SNX13: variants seen among roughly 807,000 people sequenced by gnomAD.
SNX13 encodes sorting nexin 13.
In SNX13, 45 loss-of-function variants were observed where a neutral mutation model predicts 133.6. The observed-to-expected ratio is 0.34, with a 90% CI of 0.27 to 0.43. The LOEUF (loss-of-function observed/expected upper bound fraction) is 0.43. SNX13 is among the 20% of genes least tolerant of loss of function. The probability of loss-of-function intolerance (pLI) is 1.00; values close to 1 mark genes in which losing one functional copy is unlikely to be tolerated. For synonymous variants in SNX13, 414 were observed against 373.9 expected (o/e 1.11, Z -1.24); for missense variants, 1,032 against 1,145.1 (o/e 0.90, Z 1.43).
chr7:17,922,234 C>T (rs1177177739), intron 1 of SNX13, among the ~76,000 whole-genome samples: 1 of 152,168 alleles, frequency 6.6e-6, no homozygotes, highest in African/African-American at 2.4e-5. Flanking sequence ...TTGCGGCTAG[C>T]CAGGGAGAAT....
chr7:17,864,212 G>A lies in SNX13; in HGVS notation c.837+4195C>T, dbSNP rs192270858. 2.0e-5 allele frequency among the ~76,000 whole-genome samples: 3 copies of A among 152,318 alleles called. No individual in the cohort carries two copies. In the East Asian group the frequency reaches 5.8e-4, roughly 29 times the overall value. Reference sequence around the variant, plus strand: ...AGGCACCAATGACCACTCTGGAAGTGAAGGAAATATGTGACCTTTCAGACA... The same window carrying A: ...AGGCACCAATGACCACTCTGGAAGTAAAGGAAATATGTGACCTTTCAGACA... On this transcript the variant is annotated intron_variant, in intron 9 of 25. Transcript: ENST00000428135.
At chr7:17,802,419 AAAG>A (rs536275030) in intron 21 of SNX13, among the ~76,000 whole-genome samples, 67 of 152,228 alleles carry the variant, frequency 4.4e-4, no homozygotes, top group African/African-American at 1.4e-3. Flanking sequence ...TGTTAGATGG[AAAG>A]AAGGACAGAA....
At chr7:17,891,062 TA>T (rs1199572807) in intron 4 of SNX13, among the ~76,000 whole-genome samples, 4 of 151,930 alleles carry the variant, frequency 2.6e-5, no homozygotes, top group Non-Finnish European at 5.9e-5. Flanking sequence ...GTAATAATAA[TA>T]AATGTTAAAA....
intron 5 of SNX13, chr7:17,889,882 T>C (rs1796440220): frequency 6.6e-6 from 1 of 152,254 alleles, no homozygotes; most frequent in Admixed American, 6.6e-5. Flanking sequence ...ACTTGAATAT[T>C]TTCCACTGAC....
At chr7:17,898,205 A>G (rs957114615) in intron 1 of SNX13, 10 of 152,220 alleles carry the variant, frequency 6.6e-5, no homozygotes, top group African/African-American at 2.4e-4. Flanking sequence ...GTTCAATTCA[A>G]CAAGTTCCTA....
chr7:17,845,542 A>G, intron 12 of SNX13, 53 bp downstream of exon 12: 1 of 1,170,204 alleles, frequency 8.5e-7, no homozygotes, highest in Non-Finnish European at 1.2e-6. Flanking sequence ...ACAATAAAAA[A>G]TCGAAAAAGA....
chr7:17,857,073 T>C (rs1054303030), intron 9 of SNX13, among the ~76,000 whole-genome samples: 1 of 151,878 alleles, frequency 6.6e-6, no homozygotes, highest in African/African-American at 2.4e-5. Flanking sequence ...CTGATACAAC[T>C]GAAATATAAA....
chr7:17,813,256 G>T (rs1786265828), intron 20 of SNX13, among the ~76,000 whole-genome samples: 2 of 152,100 alleles, frequency 1.3e-5, no homozygotes, highest in South Asian at 4.2e-4. Flanking sequence ...TCTTAAAATG[G>T]ATATAATCTT....
intron 1 of SNX13, 131 bp downstream of exon 1, chr7:17,940,153 G>C: frequency 2.4e-6 from 3 of 1,225,810 alleles, no homozygotes; most frequent in Non-Finnish European, 3.5e-6. Context: ...TAGGATCCCC[G>C]CTGCTCCTCG....
At chr7:17,903,756 G>T (rs1009213227) in intron 1 of SNX13, among the ~76,000 whole-genome samples, 2 of 151,916 alleles carry the variant, frequency 1.3e-5, no homozygotes, top group Non-Finnish European at 2.9e-5. Context: ...AAAAGTCACA[G>T]AAAAAAATGT....
chr7:17,876,770 A>G (rs1418141401), intron 5 of SNX13, among the ~76,000 whole-genome samples: 1 of 152,170 alleles, frequency 6.6e-6, no homozygotes, highest in African/African-American at 2.4e-5. Context: ...TCAGTATACC[A>G]GTGTAACAGG....
At chr7:17,906,645 T>C (rs1446361106) in intron 1 of SNX13, among the ~76,000 whole-genome samples, 4 of 152,110 alleles carry the variant, frequency 2.6e-5, no homozygotes, top group African/African-American at 9.7e-5. Flanking sequence ...AATTATAATA[T>C]CTTGTGACAC....
chr7:17,833,931 A>T, intron 15 of SNX13, 121 bp downstream of exon 15: 1 of 644,366 alleles, frequency 1.6e-6, no homozygotes, highest in Non-Finnish European at 2.2e-6. Flanking sequence ...TAGATTTTTT[A>T]ATATATTACA....
At chr7:17,822,927 G>A (rs1420292760) in intron 17 of SNX13, among the ~76,000 whole-genome samples, 7 of 152,176 alleles carry the variant, frequency 4.6e-5, no homozygotes, top group Non-Finnish European at 1.0e-4. Context: ...GTGGGTGACA[G>A]ATACCATTTC....
chr7:17,852,736 A>G (rs1011897416), intron 9 of SNX13, among the ~76,000 whole-genome samples: 3 of 152,228 alleles, frequency 2.0e-5, no homozygotes, highest in African/African-American at 4.8e-5. Context: ...TCATATAAAG[A>G]GTGAAAATGT....
intron 1 of SNX13, among the ~76,000 whole-genome samples, chr7:17,923,052 C>T (rs1800306084): frequency 6.6e-6 from 1 of 152,128 alleles, no homozygotes; most frequent in African/African-American, 2.4e-5. Context: ...CTACAAAGAA[C>T]ACACCACATG....
At chr7:17,813,345 T>C (rs1786277210) in intron 20 of SNX13, among the ~76,000 whole-genome samples, 1 of 152,078 alleles carries the variant, frequency 6.6e-6, no homozygotes, top group Non-Finnish European at 1.5e-5. Context: ...CTGTTCCAAG[T>C]TGGAATTTAA....
chr7:17,890,382 G>C lies in SNX13; in HGVS notation c.421C>G (p.Leu141Val), dbSNP rs1328658111. 70 of 1,610,764 alleles carry C rather than the reference G, an allele frequency of 4.3e-5. No homozygotes were observed. Among genetic ancestry groups the C allele is most frequent in the Non-Finnish European group, 5.8e-5 (68 of 1,178,230 alleles). The change falls in exon 5 of 26, where the codon CTC becomes GTC. Residue 141 changes from leucine to valine, a missense_variant. Leu to Val is a conservative substitution (Grantham distance 32). Transcript: ENST00000428135. ...LEIRQTLQNA[L>V]IQFATRSKEI... Reference sequence around the variant, plus strand: ...CCTTACCTAGTAGCAAACTGAATGAGTGCGTTTTGAAGAGTCTGCCTAATT... The same window carrying C: ...CCTTACCTAGTAGCAAACTGAATGACTGCGTTTTGAAGAGTCTGCCTAATT...
intron 1 of SNX13, among the ~76,000 whole-genome samples, chr7:17,906,830 T>C (rs981338435): frequency 2.0e-5 from 3 of 152,134 alleles, no homozygotes; most frequent in African/African-American, 7.2e-5. Flanking sequence ...CTCCTTGATT[T>C]TTCTATAGAA....
Sources: allele counts gnomAD v4.1 joint callset (sites outside exome capture counted in the v4.1 genomes callset), GRCh38; gene constraint gnomAD v4.1.1; transcripts MANE v1.5; gene names NCBI Gene and HGNC (gene_info 2026-07-23, HGNC 2026-07-21).